GPC3: variants seen among roughly 807,000 people sequenced by gnomAD.
GPC3 encodes the protein glypican 3.
GPC3 carries 3 observed loss-of-function variants against 34.4 expected under a neutral mutation model. The ratio of observed to expected loss-of-function variants is 0.09; its 90% CI spans 0.04 to 0.23. The LOEUF is 0.23. GPC3 is among the 10% of genes least tolerant of loss of function. The probability of loss-of-function intolerance (pLI) is 1.00; values close to 1 mark genes in which losing one functional copy is unlikely to be tolerated. For missense variants in GPC3, 351 were observed against 445.6 expected (o/e 0.79, Z 1.91); for synonymous variants, 177 against 174.0 (o/e 1.02, Z -0.13).
chrX:133,853,505 A>G (rs748081761), intron 2 of GPC3, among the ~76,000 whole-genome samples: 17 of 112,207 alleles, frequency 1.5e-4, no homozygotes, highest in Non-Finnish European at 3.0e-4. Flanking sequence ...AATTTATTCA[A>G]CTAGAAAGAT....
intron 3 of GPC3, among the ~76,000 whole-genome samples, chrX:133,742,396 G>T (rs1346484413): frequency 9.0e-6 from 1 of 111,410 alleles, no homozygotes; most frequent in African/African-American, 3.3e-5. Flanking sequence ...TTTTCTGGAA[G>T]CATAAGAGAA....
At chrX:133,605,570 A>G (rs2070040541) in intron 6 of GPC3, among the ~76,000 whole-genome samples, 2 of 112,168 alleles carry the variant, frequency 1.8e-5, no homozygotes, top group Non-Finnish European at 3.8e-5. Context: ...TGAATGAACA[A>G]ATAAATAGAA....
At chrX:133,638,708 T>C (rs1053135950) in intron 6 of GPC3, among the ~76,000 whole-genome samples, 1 of 110,631 alleles carries the variant, frequency 9.0e-6, no homozygotes. Flanking sequence ...ATGATACTTT[T>C]TAGACTTTTA....
At position 133,813,147 on chromosome X, in the gene GPC3, T is replaced by C. The variant is rs146636365; in HGVS notation, c.338-58971A>G. On this transcript the variant is annotated intron_variant, in intron 2 of 7. Transcript: ENST00000370818. ...AATCTTGCCCCATGGGCCAAATCTA[T>C]TTAAGTTTAAGGTTTTCCCCTTCTT... is the stretch of plus-strand genomic sequence containing the variant. Among the ~76,000 whole-genome samples, 1,043 of 112,587 alleles carry C rather than the reference T, an allele frequency of 9.3e-3. 15 individuals carry two copies. The highest frequency in any genetic ancestry group is 0.032 in the African/African-American group (987 of 30,989).
rs1028164493 is a variant in GPC3, at chrX:133,671,083, C to T, written c.1293-9233G>A. On this transcript the variant is annotated intron_variant, in intron 5 of 7. Coordinates refer to ENST00000370818, the MANE Select transcript of GPC3 (RefSeq NM_004484.4). ...CCCAGGAAGGCAACAGTGCCTAAGACAGAAATTTAGAGTGCCTAAGACAGG... is the reference window on the plus strand; with the variant it reads ...CCCAGGAAGGCAACAGTGCCTAAGATAGAAATTTAGAGTGCCTAAGACAGG... The T allele has an allele frequency of 6.2e-6, 4 of 642,693 alleles. No individual in the cohort carries two copies. The African/African-American group carries it at 8.7e-5, about 14-fold the overall frequency. 53.0% of individuals were successfully genotyped at this position (642,693 alleles called of 1,213,427 possible).
At chrX:133,864,060 C>T (rs184649020) in intron 2 of GPC3, among the ~76,000 whole-genome samples, 11 of 111,851 alleles carry the variant, frequency 9.8e-5, no homozygotes, top group Admixed American at 2.8e-4. Context: ...GTTATCTTTA[C>T]GTGGAGGAAG....
chrX:133,691,315 A>G (rs1207363964), intron 5 of GPC3, among the ~76,000 whole-genome samples: 1 of 110,416 alleles, frequency 9.1e-6, no homozygotes, highest in African/African-American at 3.3e-5. Context: ...CCTGGCCAAC[A>G]TGGTGAAACC....
intron 2 of GPC3, among the ~76,000 whole-genome samples, chrX:133,904,857 T>C (rs1016503401): frequency 8.9e-6 from 1 of 111,753 alleles, no homozygotes; most frequent in East Asian, 2.8e-4. Flanking sequence ...GAGGCCTAGA[T>C]CTATATAAAA....
chrX:133,543,677 G>A (rs938548003), intron 7 of GPC3, among the ~76,000 whole-genome samples: 3 of 112,566 alleles, frequency 2.7e-5, no homozygotes, highest in African/African-American at 9.7e-5. Context: ...TCTGGAGTAT[G>A]TGTATCTTCA....
intron 2 of GPC3, among the ~76,000 whole-genome samples, chrX:133,858,551 T>C (rs1393955087): frequency 1.8e-5 from 2 of 111,557 alleles, no homozygotes; most frequent in Non-Finnish European, 3.8e-5. Flanking sequence ...TGCAGATTAA[T>C]TTCTGCCACT....
intron 3 of GPC3, among the ~76,000 whole-genome samples, chrX:133,752,772 T>C (rs1389672227): frequency 1.8e-5 from 2 of 112,172 alleles, no homozygotes; most frequent in Non-Finnish European, 3.8e-5. Context: ...TTGGAGAACA[T>C]GGATTGTTTG....
At chrX:133,905,813 C>T (rs1223675014) in intron 2 of GPC3, among the ~76,000 whole-genome samples, 2 of 110,886 alleles carry the variant, frequency 1.8e-5, no homozygotes, top group Non-Finnish European at 3.8e-5. Context: ...ATATTTAAAA[C>T]AAAATGGAGG....
At chrX:133,758,692 T>C (rs1045186005) in intron 2 of GPC3, among the ~76,000 whole-genome samples, 1 of 110,780 alleles carries the variant, frequency 9.0e-6, no homozygotes, top group African/African-American at 3.3e-5. Flanking sequence ...ACATGTACCC[T>C]GAAACTTAAA....
chrX:133,615,603 G>A (rs372525288), intron 6 of GPC3, among the ~76,000 whole-genome samples: 1 of 109,155 alleles, frequency 9.2e-6, no homozygotes, highest in Non-Finnish European at 1.9e-5. Flanking sequence ...GGGGCCTGTC[G>A]GTGGGTGAGG....
intron 2 of GPC3, among the ~76,000 whole-genome samples, chrX:133,768,160 G>C (rs1013790692): frequency 5.4e-5 from 6 of 110,981 alleles, no homozygotes; most frequent in Non-Finnish European, 1.1e-4. Flanking sequence ...TGAGGAGTTT[G>C]ATAAATTCTG....
chrX:133,844,348 GATC>G (rs1297110487), intron 2 of GPC3, among the ~76,000 whole-genome samples: 1 of 112,083 alleles, frequency 8.9e-6, no homozygotes, highest in Admixed American at 9.5e-5. Flanking sequence ...GCTTGATTGT[GATC>G]ATCATTTCAC....
chrX:133,670,437 C>T (rs917701682), intron 5 of GPC3, among the ~76,000 whole-genome samples: 4 of 112,076 alleles, frequency 3.6e-5, no homozygotes, highest in African/African-American at 1.3e-4. Flanking sequence ...AATTCACTTT[C>T]CTTCTTCCCT....
At chrX:133,837,993 T>C (rs1249169267) in intron 2 of GPC3, among the ~76,000 whole-genome samples, 1 of 112,048 alleles carries the variant, frequency 8.9e-6, no homozygotes, top group Non-Finnish European at 1.9e-5. Flanking sequence ...AAAAACTAAC[T>C]GCAAAAGATG....
chrX:133,964,155 T>C (rs1303904941), intron 1 of GPC3, among the ~76,000 whole-genome samples: 2 of 112,233 alleles, frequency 1.8e-5, no homozygotes, highest in African/African-American at 6.5e-5. Flanking sequence ...CATAAACAAG[T>C]GTGACAGCAT....
Sources: allele counts gnomAD v4.1 joint callset (sites outside exome capture counted in the v4.1 genomes callset), GRCh38; gene constraint gnomAD v4.1.1; transcripts MANE v1.5; gene names NCBI Gene and HGNC (gene_info 2026-07-23, HGNC 2026-07-21).